The following PSMB5 variants were observed in gnomAD, a reference collection of about 807,000 sequenced individuals.
The protein encoded by PSMB5 is proteasome 20S subunit beta 5, also known as proteasome subunit beta type-5.
A neutral mutation model predicts 22.8 loss-of-function variants in PSMB5; 2 were observed. The ratio of observed to expected loss-of-function variants is 0.09; its 90% confidence interval spans 0.04 to 0.28. The LOEUF (loss-of-function observed/expected upper bound fraction) is 0.28, where lower values mean the gene tolerates loss of function less well. PSMB5 is among the 10% of genes least tolerant of loss of function. The pLI, the probability that PSMB5 is intolerant of heterozygous loss-of-function variation, is 1.00. For synonymous variants in PSMB5, 133 were observed against 135.3 expected (o/e 0.98, Z 0.12); for missense variants, 269 against 343.8 (o/e 0.78, Z 1.72).
intron 2 of PSMB5, among the ~76,000 whole-genome samples, chr14:23,028,105 T>G (rs562253292): frequency 1.8e-4 from 28 of 151,972 alleles, no homozygotes; most frequent in African/African-American, 6.8e-4. Flanking sequence ...ATCGCACCAC[T>G]GCACTCCAGC....
intron 2 of PSMB5, chr14:23,027,619 G>A: frequency 1.6e-6 from 1 of 610,900 alleles, no homozygotes; most frequent in Non-Finnish European, 2.8e-6. Flanking sequence ...CCACACTCCA[G>A]CTTGGGCAAC....
intron 2 of PSMB5, among the ~76,000 whole-genome samples, chr14:23,030,261 G>A (rs945312756): frequency 6.6e-5 from 10 of 151,526 alleles, no homozygotes; most frequent in Non-Finnish European, 7.4e-5. Context: ...AGGCCGAGGC[G>A]GGTGGATCAT....
intron 2 of PSMB5, among the ~76,000 whole-genome samples, chr14:23,030,166 C>T (rs2046942690): frequency 6.6e-6 from 1 of 151,940 alleles, no homozygotes; most frequent in Non-Finnish European, 1.5e-5. Context: ...GCATGAGCCA[C>T]CATGCCCAGC....
chr14:23,028,957 C>A (rs887899623), intron 2 of PSMB5, among the ~76,000 whole-genome samples: 3 of 152,230 alleles, frequency 2.0e-5, no homozygotes, highest in African/African-American at 2.4e-5. Context: ...CACGCTTCCT[C>A]CTGTCTTCTG....
rs550599263 is a variant in PSMB5, at chr14:23,026,011, G to C, written c.*78C>G. The C allele has an allele frequency of 6.4e-6, 10 of 1,569,718 alleles. No individual in the cohort carries two copies. Among genetic ancestry groups the C allele is most frequent in the Middle Eastern group, 1.9e-4 (1 of 5,246 alleles). ...TTGAAGGCCCTTCCACTATAAATAGGATGGAGGATGGGTCACTGTGTCCGT... is the reference window on the plus strand; with the variant it reads ...TTGAAGGCCCTTCCACTATAAATAGCATGGAGGATGGGTCACTGTGTCCGT... On this transcript the variant is annotated 3_prime_UTR_variant, in exon 3 of 3. Transcript: ENST00000361611.
chr14:23,034,769 C>G lies in PSMB5; in HGVS notation c.113G>C (p.Gly38Ala), dbSNP rs756177083. 17 of 1,614,096 alleles carry G rather than the reference C, an allele frequency of 1.1e-5. No homozygotes were observed. The South Asian group carries it at 1.9e-4, about 18-fold the overall frequency. The change falls in exon 1 of 3, where the codon GGT (glycine) becomes GCT (alanine). Residue 38 changes from glycine to alanine, a missense_variant. Gly to Ala is a moderately conservative substitution (Grantham distance 60). Transcript: ENST00000361611. ...LDLGPGSLSD[G>A]LSLAAPGWGV... The stretch of plus-strand genomic sequence containing the variant: ...CCAGCCTGGCGCGGCCAGGCTCAGA[C>G]CATCACTGAGACTCCCTGGACCTAG...
chr14:23,028,499 T>C (rs1003180526), intron 2 of PSMB5, among the ~76,000 whole-genome samples: 2 of 152,280 alleles, frequency 1.3e-5, no homozygotes, highest in Non-Finnish European at 2.9e-5. Context: ...AAACAAAATA[T>C]ATTGAAATTA....
At chr14:23,029,541 T>G (rs2046938483) in intron 2 of PSMB5, among the ~76,000 whole-genome samples, 1 of 152,232 alleles carries the variant, frequency 6.6e-6, no homozygotes, top group Non-Finnish European at 1.5e-5. Flanking sequence ...TCTTTTTATT[T>G]ATTGATTGAC....
chr14:23,033,636 A>G lies in PSMB5; in HGVS notation c.237T>C (p.Ala79=). 1 of 1,611,740 alleles carries G rather than the reference A, an allele frequency of 6.2e-7. No homozygotes were observed. The highest frequency in any genetic ancestry group is 8.5e-7 in the Non-Finnish European group (1 of 1,177,982). The change falls in exon 2 of 3, where the codon GCT becomes GCC. Residue 79 remains alanine, a synonymous_variant. Coordinates refer to ENST00000361611, the MANE Select transcript of PSMB5 (RefSeq NM_002797.5). ...GGGAGGCAATGTAAGCACCCGCTGT[A>G]GCCCTGGAGTCAGCTGCAACTATGA... The part of the protein sequence containing the change: ...HGVIVAADSR[A]TAGAYIASQT...
At chr14:23,031,833 A>C (rs535362045) in intron 2 of PSMB5, among the ~76,000 whole-genome samples, 1 of 152,356 alleles carries the variant, frequency 6.6e-6, no homozygotes, top group African/African-American at 2.4e-5. Context: ...TCACTCCTGT[A>C]ATCTCAACAC....
At chr14:23,029,665 C>G (rs2046939341) in intron 2 of PSMB5, among the ~76,000 whole-genome samples, 1 of 152,204 alleles carries the variant, frequency 6.6e-6, no homozygotes, top group African/African-American at 2.4e-5. Context: ...ATTCTCCTGC[C>G]TCAGCCTCCT....
At chr14:23,029,145 A>G (rs1331215681) in intron 2 of PSMB5, among the ~76,000 whole-genome samples, 1 of 152,130 alleles carries the variant, frequency 6.6e-6, no homozygotes, top group Non-Finnish European at 1.5e-5. Flanking sequence ...TAAGTCCCCC[A>G]GGTGATTTTA....
In PSMB5 at chr14:23,034,725, C is replaced by T. The variant is rs762490032; in HGVS notation, c.157G>A (p.Gly53Arg). ...APGWGVPEEP[G>R]IEMLHGTTTL... ...GTTGTTCCATGAAGCATTTCGATTC[C>T]TGGCTCTTCTGGGACACCCCAGCCT... The change falls in exon 1 of 3, where the codon GGA becomes AGA. Residue 53 changes from glycine (G) to arginine (R), a missense_variant. By Grantham distance (125) the Gly-to-Arg change is moderately radical. Coordinates refer to ENST00000361611, the MANE Select transcript of PSMB5 (RefSeq NM_002797.5). The T allele has an allele frequency of 6.2e-7, 1 of 1,614,192 alleles. No individual in the cohort carries two copies. The highest frequency in any genetic ancestry group is 1.1e-5 in the South Asian group (1 of 91,076).
intron 2 of PSMB5, 50 bp from the exon 3 acceptor site, chr14:23,026,425 T>A: frequency 6.3e-7 from 1 of 1,575,576 alleles, no homozygotes; most frequent in Non-Finnish European, 8.6e-7. Flanking sequence ...TCACCCCTTT[T>A]GATATCTAAT....
In PSMB5 at chr14:23,025,864, T is replaced by G. The variant is rs1263488707; in HGVS notation, c.*225A>C. On this transcript the variant is annotated 3_prime_UTR_variant, in exon 3 of 3. Transcript: ENST00000361611. ...TGCAACACAGGCTGAGATTGAGTAG[T>G]GAGTAGTGTAATGTTAACATCCAAG... 3 of 1,395,444 alleles carry G rather than the reference T, an allele frequency of 2.1e-6. No homozygotes were observed. The highest frequency in any genetic ancestry group is 2.9e-5 in the African/African-American group (2 of 68,948). 86.4% of individuals were successfully genotyped at this position (1,395,444 alleles called of 1,614,324 possible).
intron 2 of PSMB5, among the ~76,000 whole-genome samples, chr14:23,032,930 A>T (rs2046964061): frequency 6.7e-6 from 1 of 148,338 alleles, no homozygotes; most frequent in African/African-American, 2.5e-5. Context: ...TTTTTGAGAC[A>T]GAGTCTCACT....
intron 2 of PSMB5, among the ~76,000 whole-genome samples, chr14:23,032,065 G>A (rs1051192502): frequency 1.3e-5 from 2 of 152,126 alleles, no homozygotes; most frequent in African/African-American, 4.8e-5. Context: ...CTCCAGTCGG[G>A]GCGACAGAGC....
At chr14:23,033,120 T>C (rs1407623114) in intron 2 of PSMB5, among the ~76,000 whole-genome samples, 3 of 151,478 alleles carry the variant, frequency 2.0e-5, no homozygotes, top group Non-Finnish European at 2.9e-5. Flanking sequence ...TTGGCCAGGC[T>C]GGTCTTGAAT....
rs56294105 is a variant in PSMB5, at chr14:23,034,125, C to CAA, written c.199-453_199-452dup. Among the ~76,000 whole-genome samples, 615 of 93,636 alleles carry CAA rather than the reference C, an allele frequency of 6.6e-3. 1 individual carries two copies. The highest frequency in any genetic ancestry group is 8.6e-3 in the African/African-American group (242 of 28,044). 61.4% of individuals were successfully genotyped at this position (93,636 alleles called of 152,430 possible). Reference sequence around the variant, plus strand: ...TGAGCGACAGCGAAAAGCCCTGTTTCAAAAAAAAAAAAAAAACAAATCATT... The same window carrying CAA: ...TGAGCGACAGCGAAAAGCCCTGTTTCAAAAAAAAAAAAAAAAAACAAATCATT... On this transcript the variant is annotated intron_variant, in intron 1 of 2. Transcript: ENST00000361611.
Sources: gnomAD v4.1 joint callset for allele counts (sites outside exome capture counted in the v4.1 genomes callset) on GRCh38, gnomAD v4.1.1 for gene constraint, MANE v1.5 for transcripts, NCBI Gene and HGNC (gene_info 2026-07-23, HGNC 2026-07-21) for gene names.